The following OXCT1 variants were observed in gnomAD, a reference collection of about 807,000 sequenced individuals.
The protein encoded by OXCT1 is 3-oxoacid CoA-transferase 1, also known as succinyl-CoA:3-ketoacid coenzyme A transferase 1, mitochondrial.
In OXCT1, 27 loss-of-function variants were observed where a neutral mutation model predicts 69.6. The observed-to-expected ratio is 0.39, with a 90% CI of 0.29 to 0.54. The LOEUF (loss-of-function observed/expected upper bound fraction) is 0.54, where lower values mean the gene tolerates loss of function less well. Among genes scored for constraint, OXCT1 ranks in the 20% least tolerant of loss-of-function variants. The pLI, the probability that OXCT1 is intolerant of heterozygous loss-of-function variation, is 0.72. For missense variants in OXCT1, 437 were observed against 650.2 expected, an observed-to-expected ratio of 0.67 and a Z score of 3.57; for synonymous variants, 202 against 217.8, an observed-to-expected ratio of 0.93 and a Z score of 0.64.
Position 41,793,996 on chromosome 5 carries a change from T to C in OXCT1, c.1248+7A>G. On this transcript the variant is annotated splice_region_variant and intron_variant, in intron 13 of 16. Transcript: ENST00000196371. ...AACATAATTCAGAATAAAAAATGTC[T>C]ACTTACAGGTATCATCCAGTTAGCC... is the stretch of plus-strand genomic sequence containing the variant. 4 of 1,556,314 alleles carry C rather than the reference T, an allele frequency of 2.6e-6. No homozygotes were observed. Among genetic ancestry groups the C allele is most frequent in the Non-Finnish European group, 3.5e-6 (4 of 1,127,190 alleles).
rs115111911 is a variant in OXCT1, at chr5:41,795,280, C to T, written c.1100-531G>A. ...GCTCGTTTGCTCGCCTGCTGCTCAC[C>T]TCCTGCTGTGCAGCCTGGTTCCTAA... On this transcript the variant is annotated intron_variant, in intron 11 of 16. Coordinates refer to ENST00000196371, the MANE Select transcript of OXCT1 (RefSeq NM_000436.4). Among the ~76,000 whole-genome samples the T allele has an allele frequency of 3.0e-3, 461 of 152,286 alleles. 1 individual carries two copies. The highest frequency in any genetic ancestry group is 5.0e-3 in the Non-Finnish European group (338 of 68,022).
intron 11 of OXCT1, among the ~76,000 whole-genome samples, chr5:41,795,500 G>A (rs966619133): frequency 6.6e-6 from 1 of 152,228 alleles, no homozygotes; most frequent in African/African-American, 2.4e-5. Context: ...TAATGCTACT[G>A]TAAGTCACTG....
At chr5:41,809,596 T>C (rs1364252659) in intron 7 of OXCT1, among the ~76,000 whole-genome samples, 4 of 151,994 alleles carry the variant, frequency 2.6e-5, no homozygotes, top group Non-Finnish European at 5.9e-5. Flanking sequence ...AGCAGCTTCC[T>C]TTGGTCTTCC....
chr5:41,810,398 G>T (rs1304559012), intron 7 of OXCT1, among the ~76,000 whole-genome samples: 1 of 152,040 alleles, frequency 6.6e-6, no homozygotes, highest in Non-Finnish European at 1.5e-5. Context: ...GCAAAGCAAT[G>T]GGCAGATGTA....
At chr5:41,848,337 C>T (rs1277117477) in intron 5 of OXCT1, among the ~76,000 whole-genome samples, 9 of 148,322 alleles carry the variant, frequency 6.1e-5, no homozygotes, top group Non-Finnish European at 7.5e-5. Context: ...GAATCAATAT[C>T]GTGAAAATGG....
In OXCT1 at chr5:41,789,731, T is replaced by A. The variant is rs1252641792; in HGVS notation, c.1248+4272A>T. ...TCTTTTCCTGAGCCTCAGGACCAAA[T>A]GGACAATACACTAAAGTTAAAACAA... is the stretch of plus-strand genomic sequence containing the variant. On this transcript the variant is annotated intron_variant, in intron 13 of 16. Coordinates refer to ENST00000196371, the MANE Select transcript of OXCT1 (RefSeq NM_000436.4). 3.3e-5 allele frequency among the ~76,000 whole-genome samples: 5 copies of A among 152,214 alleles called. No homozygotes were observed. The East Asian group carries it at 9.6e-4, about 29-fold the overall frequency.
At position 41,731,523 on chromosome 5, in the gene OXCT1, GAT is replaced by G. The variant is rs1036279125; in HGVS notation, c.*204_*205del. 6.5e-6 allele frequency: 6 copies of G among 921,432 alleles called. No homozygotes were observed. In the Admixed American group the frequency reaches 1.5e-4, roughly 23 times the overall value. The allele number at this position is 921,432 out of a possible 1,614,324, so 57.1% of individuals were successfully genotyped here. On this transcript the variant is annotated 3_prime_UTR_variant, in exon 17 of 17. Coordinates refer to ENST00000196371, the MANE Select transcript of OXCT1 (RefSeq NM_000436.4). ...CAACCTTCTCAGCCTTAACAAATGAGATAATTATAAATGCTCCTTTTGCTTTT... is the reference window on the plus strand; with the variant it reads ...CAACCTTCTCAGCCTTAACAAATGAGAATTATAAATGCTCCTTTTGCTTTT...
At chr5:41,819,519 C>T (rs1158105016) in intron 7 of OXCT1, among the ~76,000 whole-genome samples, 7 of 152,012 alleles carry the variant, frequency 4.6e-5, no homozygotes, top group East Asian at 1.9e-4. Flanking sequence ...TACAGGCATG[C>T]GCCACCACAC....
intron 13 of OXCT1, among the ~76,000 whole-genome samples, chr5:41,780,458 C>T (rs772862813): frequency 1.3e-4 from 20 of 152,142 alleles, no homozygotes; most frequent in Non-Finnish European, 4.4e-5. Context: ...ACTAGAAGCA[C>T]AAACAGCAAA....
At position 41,730,231 on chromosome 5, in the gene OXCT1, A is replaced by T. The variant is rs958781573; in HGVS notation, c.*1498T>A. 6 of 152,204 alleles carry T rather than the reference A, an allele frequency of 3.9e-5. No homozygotes were observed. The highest frequency in any genetic ancestry group is 1.4e-4 in the African/African-American group (6 of 41,458). 9.4% of individuals were successfully genotyped at this position (152,204 alleles called of 1,614,324 possible). On this transcript the variant is annotated 3_prime_UTR_variant, in exon 17 of 17. Transcript: ENST00000196371. ...ACTATCAACAATTCTTTTCAAAATC[A>T]TATCAATATATTACTCTCATGGAAC... is the stretch of plus-strand genomic sequence containing the variant.
At chr5:41,830,407 T>C (rs1422383116) in intron 7 of OXCT1, among the ~76,000 whole-genome samples, 1 of 152,200 alleles carries the variant, frequency 6.6e-6, no homozygotes, top group African/African-American at 2.4e-5. Context: ...TGTGAGTAGA[T>C]TCAAGAAGAT....
Position 41,840,468 on chromosome 5 carries a change from C to T in OXCT1, c.715G>A (p.Glu239Lys), listed in dbSNP as rs1748574455. Residue 239 changes from glutamate to lysine, a missense_variant, in exon 7 of 17, where the codon GAA (glutamate) becomes AAA (lysine). Glu to Lys is a moderately conservative substitution (Grantham distance 56). Around this residue, in one of 4 missense-constraint regions of OXCT1, gnomAD observed 252 missense variants for 397.4 expected, o/e 0.63. Transcript: ENST00000196371. ...NFNLPMCKAA[E>K]TTVVEVEEIV... is the part of the protein sequence containing the mutation. ...CCTCTTACCTCTACCACTGTGGTTT[C>T]TGCAGCTTTGCACATTGGCAAGTTG... is the stretch of plus-strand genomic sequence containing the variant. 2 of 1,612,958 alleles carry T rather than the reference C, an allele frequency of 1.2e-6. No homozygotes were observed. The highest frequency in any genetic ancestry group is 1.3e-5 in the African/African-American group (1 of 74,874).
intron 13 of OXCT1, among the ~76,000 whole-genome samples, chr5:41,766,525 T>G (rs1744607864): frequency 1.3e-5 from 2 of 150,084 alleles, no homozygotes; most frequent in Non-Finnish European, 3.0e-5. Context: ...TTCAGTAACA[T>G]TAAAAAGTCA....
chr5:41,779,414 A>T (rs1429070667), intron 13 of OXCT1, among the ~76,000 whole-genome samples: 1 of 152,210 alleles, frequency 6.6e-6, no homozygotes, highest in African/African-American at 2.4e-5. Flanking sequence ...CTCAAAAGCC[A>T]CATGTGGCTA....
At chr5:41,781,105 A>G (rs1745379475) in intron 13 of OXCT1, among the ~76,000 whole-genome samples, 1 of 151,978 alleles carries the variant, frequency 6.6e-6, no homozygotes, top group African/African-American at 2.4e-5. Context: ...GGGTTTCACC[A>G]TGTTAGCCAG....
At chr5:41,792,701 A>G (rs951944323) in intron 13 of OXCT1, among the ~76,000 whole-genome samples, 2 of 152,196 alleles carry the variant, frequency 1.3e-5, no homozygotes, top group Non-Finnish European at 2.9e-5. Flanking sequence ...AAAGATCAGT[A>G]TTTTTACAAC....
intron 13 of OXCT1, among the ~76,000 whole-genome samples, chr5:41,785,726 C>T (rs1187206332): frequency 1.3e-5 from 2 of 152,216 alleles, no homozygotes; most frequent in Admixed American, 6.5e-5. Context: ...GTCAAAAGCA[C>T]ATCCCAAGGC....
chr5:41,800,208 G>A (rs575170603), intron 11 of OXCT1, among the ~76,000 whole-genome samples: 1 of 152,064 alleles, frequency 6.6e-6, no homozygotes, highest in Non-Finnish European at 1.5e-5. Context: ...GCATATGCCT[G>A]TAAGAACAAA....
intron 3 of OXCT1, among the ~76,000 whole-genome samples, chr5:41,859,866 T>TATATATATATATGTA (rs1749637580): frequency 1.1e-5 from 1 of 95,070 alleles, no homozygotes; most frequent in Non-Finnish European, 2.2e-5. Flanking sequence ...AGTATAGTAA[T>TATATATATATATGTA]ATATATATAT....
Sources: allele counts gnomAD v4.1 joint callset (sites outside exome capture counted in the v4.1 genomes callset), GRCh38; gene constraint gnomAD v4.1.1; regional missense constraint gnomAD v4.1.1; transcripts MANE v1.5; gene names NCBI Gene and HGNC (gene_info 2026-07-23, HGNC 2026-07-21).